Variants in LAMA2 observed in about 807,000 individuals in gnomAD.
LAMA2 encodes the protein laminin subunit alpha 2, also known as laminin subunit alpha-2.
LAMA2 carries 269 observed loss-of-function variants against 364.8 expected under a neutral mutation model. The observed-to-expected ratio is 0.74, with a 90% confidence interval of 0.67 to 0.82. The LOEUF is 0.82. Among genes scored for constraint, LAMA2 ranks in the 40% least tolerant of loss-of-function variants. LAMA2 has a pLI of 0.00. For missense variants in LAMA2, 3,807 were observed against 3,873.2 expected, an observed-to-expected ratio of 0.98 and a Z score of 0.45; for synonymous variants, 1,379 against 1,370.6, an observed-to-expected ratio of 1.01 and a Z score of -0.14.
chr6:129,173,568 T>C (rs1216880010), intron 9 of LAMA2, among the ~76,000 whole-genome samples: 1 of 152,306 alleles, frequency 6.6e-6, no homozygotes, highest in East Asian at 1.9e-4. Flanking sequence ...CATTCAGCTC[T>C]GGACCAATAA....
At chr6:129,059,650 C>G in intron 2 of LAMA2, 134 bp from the exon 3 acceptor site, 1 of 667,552 alleles carries the variant, frequency 1.5e-6, no homozygotes, top group South Asian at 1.7e-5. Flanking sequence ...AATTACTCTC[C>G]TTCTGTATTA....
intron 4 of LAMA2, among the ~76,000 whole-genome samples, chr6:129,115,966 G>A (rs934959787): frequency 6.6e-6 from 1 of 151,974 alleles, no homozygotes; most frequent in Admixed American, 6.6e-5. Flanking sequence ...TGACCTCCTA[G>A]GGCTTTTATG....
At chr6:129,039,739 A>T (rs1786946664) in intron 1 of LAMA2, among the ~76,000 whole-genome samples, 1 of 152,202 alleles carries the variant, frequency 6.6e-6, no homozygotes, top group African/African-American at 2.4e-5. Context: ...GATTCTTATA[A>T]GTAGCTCACA....
chr6:129,442,618 C>T (rs1399897531), intron 43 of LAMA2, among the ~76,000 whole-genome samples: 1 of 152,042 alleles, frequency 6.6e-6, no homozygotes, highest in Non-Finnish European at 1.5e-5. Flanking sequence ...TTATTTATTT[C>T]ATCACGCATG....
At chr6:129,382,934 G>A (rs929658707) in intron 34 of LAMA2, among the ~76,000 whole-genome samples, 188 bp from the exon 35 acceptor site, 2 of 152,170 alleles carry the variant, frequency 1.3e-5, no homozygotes, top group Non-Finnish European at 2.9e-5. Flanking sequence ...TCCATTTAAT[G>A]GAAGAAGTAA....
At chr6:129,462,709 A>C (rs1783320211) in intron 49 of LAMA2, among the ~76,000 whole-genome samples, 1 of 151,818 alleles carries the variant, frequency 6.6e-6, no homozygotes, top group Admixed American at 6.6e-5. Flanking sequence ...AAGCCCTGTT[A>C]TTTGTAAGAA....
intron 1 of LAMA2, among the ~76,000 whole-genome samples, chr6:128,901,015 C>T (rs772524545): frequency 3.9e-5 from 6 of 152,082 alleles, no homozygotes; most frequent in Admixed American, 6.6e-5. Flanking sequence ...AAATTAGCTG[C>T]GTGTGGTGGC....
At position 129,260,697 on chromosome 6, in the gene LAMA2, T is replaced by C; in HGVS notation, c.2097-14T>C. ...ACTTTACTTATTCACCATCTCTTTTTTCCTCTGCCATAGGTTGAGCTCTGT... is the reference window on the plus strand; with the variant it reads ...ACTTTACTTATTCACCATCTCTTTTCTCCTCTGCCATAGGTTGAGCTCTGT... On this transcript the variant is annotated splice_polypyrimidine_tract_variant and intron_variant, in intron 14 of 64. Transcript: ENST00000421865. The C allele has an allele frequency of 6.6e-7, 1 of 1,512,888 alleles. No individual in the cohort carries two copies. The highest frequency in any genetic ancestry group is 9.2e-7 in the Non-Finnish European group (1 of 1,087,920). 93.7% of individuals were successfully genotyped at this position (1,512,888 alleles called of 1,614,324 possible).
intron 1 of LAMA2, among the ~76,000 whole-genome samples, chr6:128,892,046 C>T (rs1432529453): frequency 6.6e-6 from 1 of 151,956 alleles, no homozygotes; most frequent in African/African-American, 2.4e-5. Flanking sequence ...AAAATACTTG[C>T]CAGCTAATCA....
intron 9 of LAMA2, among the ~76,000 whole-genome samples, chr6:129,177,461 T>G (rs1342290250): frequency 6.6e-6 from 1 of 152,216 alleles, no homozygotes; most frequent in East Asian, 1.9e-4. Flanking sequence ...TGCTTTGAGA[T>G]TTCATCTTTC....
chr6:129,110,713 A>G (rs963645783), intron 4 of LAMA2, among the ~76,000 whole-genome samples: 1 of 152,020 alleles, frequency 6.6e-6, no homozygotes, highest in Non-Finnish European at 1.5e-5. Flanking sequence ...GTTCAACACT[A>G]ATCTCTGGTC....
chr6:129,192,775 C>A lies in LAMA2; in HGVS notation c.1704C>A (p.Ser568Arg). Residue 568 changes from serine to arginine, a missense_variant, in exon 12 of 65, where the codon AGC becomes AGA. By Grantham distance (110) the Ser-to-Arg change is moderately radical. Transcript: ENST00000421865. ...ACTTGGACTCACCTCAGCAGATCAG[C>A]ATCAGTAACGCGGAGGCCCGGCAAG... ...QDDLDSPQQI[S>R]ISNAEARQAL... The A allele has an allele frequency of 6.2e-7, 1 of 1,614,166 alleles. No homozygotes were observed. The highest frequency in any genetic ancestry group is 8.5e-7 in the Non-Finnish European group (1 of 1,180,014).
intron 1 of LAMA2, among the ~76,000 whole-genome samples, chr6:128,895,353 C>G (rs957557546): frequency 6.8e-6 from 1 of 147,540 alleles, no homozygotes; most frequent in Non-Finnish European, 1.5e-5. Context: ...GAACTCATGG[C>G]GGGGCGCGGT....
intron 1 of LAMA2, among the ~76,000 whole-genome samples, chr6:128,921,915 T>A (rs963348674): frequency 2.8e-5 from 4 of 140,504 alleles, no homozygotes; most frequent in Admixed American, 7.4e-5. Context: ...TGTCCATGTG[T>A]TCTCATTGTT....
At chr6:129,080,397 C>A (rs1773963253) in intron 3 of LAMA2, among the ~76,000 whole-genome samples, 1 of 152,106 alleles carries the variant, frequency 6.6e-6, no homozygotes, top group South Asian at 2.1e-4. Context: ...GATTAAATTA[C>A]TACAGAGGAG....
chr6:129,295,020 G>A (rs1210316713), intron 20 of LAMA2, among the ~76,000 whole-genome samples: 1 of 152,170 alleles, frequency 6.6e-6, no homozygotes, highest in East Asian at 1.9e-4. Flanking sequence ...ACTATTGTAT[G>A]AAGCAGGGTT....
At chr6:128,997,022 A>G (rs1223230897) in intron 1 of LAMA2, among the ~76,000 whole-genome samples, 2 of 152,052 alleles carry the variant, frequency 1.3e-5, no homozygotes, top group South Asian at 4.1e-4. Context: ...AAACTAACAG[A>G]GGAACAGAAA....
At chr6:128,994,864 G>A (rs981065591) in intron 1 of LAMA2, among the ~76,000 whole-genome samples, 3 of 151,790 alleles carry the variant, frequency 2.0e-5, no homozygotes, top group South Asian at 4.2e-4. Flanking sequence ...TATATACCTC[G>A]GTGAATAAAG....
In LAMA2 at chr6:129,234,780, T is replaced by G. The variant is rs116248437; in HGVS notation, c.1783-15332T>G. Reference sequence around the variant, plus strand: ...CACGTACGGTGTTTCAAGTATTCAATAGATAAACCACCTAGGAATATAACA... The same window carrying G: ...CACGTACGGTGTTTCAAGTATTCAAGAGATAAACCACCTAGGAATATAACA... On this transcript the variant is annotated intron_variant, in intron 12 of 64. Transcript: ENST00000421865. Among the ~76,000 whole-genome samples, 381 of 152,252 alleles carry G rather than the reference T, an allele frequency of 2.5e-3. 2 individuals carry two copies. The highest frequency in any genetic ancestry group is 8.6e-3 in the African/African-American group (358 of 41,560).
Sources: gnomAD v4.1 joint callset for allele counts (sites outside exome capture counted in the v4.1 genomes callset) on GRCh38, gnomAD v4.1.1 for gene constraint, MANE v1.5 for transcripts, NCBI Gene and HGNC (gene_info 2026-07-23, HGNC 2026-07-21) for gene names.